The following EHBP1 variants were observed in gnomAD, a reference collection of about 807,000 sequenced individuals.
The protein encoded by EHBP1 is EH domain-binding protein 1.
A neutral mutation model predicts 144.0 loss-of-function variants in EHBP1; 55 were observed. The observed-to-expected ratio is 0.38, with a 90% CI of 0.31 to 0.48. The LOEUF is 0.48. Ranked by LOEUF, EHBP1 falls within the 20% of genes least tolerant of loss-of-function variation. The pLI, the probability that EHBP1 is intolerant of heterozygous loss-of-function variation, is 0.98. For synonymous variants in EHBP1, 469 were observed against 472.7 expected (o/e 0.99, Z 0.10); for missense variants, 1,200 against 1,364.2 (o/e 0.88, Z 1.90).
At chr2:62,887,409 C>G (rs976974992) in intron 10 of EHBP1, among the ~76,000 whole-genome samples, 1 of 151,970 alleles carries the variant, frequency 6.6e-6, no homozygotes, top group Non-Finnish European at 1.5e-5. Context: ...TATGAGAAAA[C>G]CTGATTACTT....
intron 10 of EHBP1, among the ~76,000 whole-genome samples, chr2:62,933,802 C>G (rs1252350972): frequency 6.6e-6 from 1 of 152,102 alleles, no homozygotes; most frequent in Non-Finnish European, 1.5e-5. Flanking sequence ...CCCCCCTAAA[C>G]AATATGGTTT....
intron 12 of EHBP1, among the ~76,000 whole-genome samples, chr2:62,945,927 T>C (rs1463259642): frequency 6.6e-6 from 1 of 152,192 alleles, no homozygotes; most frequent in African/African-American, 2.4e-5. Flanking sequence ...TGTTACAAAG[T>C]AAACTGTTCT....
chr2:62,939,772 G>A (rs1163018500), intron 10 of EHBP1: 1 of 160,680 alleles, frequency 6.2e-6, no homozygotes, highest in Non-Finnish European at 1.3e-5. Flanking sequence ...AGGCCCCAAG[G>A]TAGAAACATG....
chr2:62,877,469 GAAC>G (rs1213780446), intron 10 of EHBP1, among the ~76,000 whole-genome samples: 1 of 152,126 alleles, frequency 6.6e-6, no homozygotes, highest in Non-Finnish European at 1.5e-5. Flanking sequence ...AAGATATTCA[GAAC>G]CTAAACTTGT....
chr2:62,768,583 G>C (rs1221428305), intron 4 of EHBP1, among the ~76,000 whole-genome samples: 1 of 152,152 alleles, frequency 6.6e-6, no homozygotes, highest in Non-Finnish European at 1.5e-5. Context: ...AATTCTACCA[G>C]ATATACAAAG....
In EHBP1 at chr2:62,876,585, C is replaced by G. The variant is rs561948835; in HGVS notation, c.1185+2053C>G. On this transcript the variant is annotated intron_variant, in intron 10 of 22. Transcript: ENST00000431489. ...TCTCACATTGCTATAAAGAACTACT[C>G]AAGACTGGGTAATTTATTTTAAAAG... 2.0e-5 allele frequency among the ~76,000 whole-genome samples: 3 copies of G among 152,292 alleles called. No homozygotes were observed. The South Asian group carries it at 6.2e-4, about 32-fold the overall frequency.
chr2:62,800,299 C>T (rs1222329323), intron 5 of EHBP1, among the ~76,000 whole-genome samples: 6 of 152,004 alleles, frequency 3.9e-5, no homozygotes, highest in Non-Finnish European at 7.4e-5. Context: ...AGTAGATAAC[C>T]CAGCTTTTCT....
In EHBP1 at chr2:62,735,242, C is replaced by T. The variant is rs553434123; in HGVS notation, c.105-12153C>T. Among the ~76,000 whole-genome samples the T allele has an allele frequency of 1.5e-3, 227 of 151,956 alleles. 1 individual carries two copies. Among genetic ancestry groups the T allele is most frequent in the Middle Eastern group, 6.8e-3 (2 of 294 alleles). ...ATTTTATATGATTCCATTTTCTCTC[C>T]TTTCTTGGCTTATCAGTTATACTTC... is the stretch of plus-strand genomic sequence containing the variant. On this transcript the variant is annotated intron_variant, in intron 2 of 22. Coordinates refer to ENST00000431489, the MANE Select transcript of EHBP1 (RefSeq NM_001142616.3).
intron 14 of EHBP1, among the ~76,000 whole-genome samples, chr2:62,970,281 A>T (rs887400998): frequency 2.6e-5 from 4 of 152,130 alleles, no homozygotes; most frequent in African/African-American, 9.7e-5. Context: ...AAAAATTTAG[A>T]TAGGTTAAAA....
chr2:62,812,011 G>A (rs575754320), intron 5 of EHBP1, among the ~76,000 whole-genome samples: 2 of 152,112 alleles, frequency 1.3e-5, no homozygotes, highest in Non-Finnish European at 2.9e-5. Context: ...CCTCACAAAT[G>A]GATTAATATT....
chr2:62,730,833 CAG>C (rs911440652), intron 2 of EHBP1, among the ~76,000 whole-genome samples: 1 of 113,564 alleles, frequency 8.8e-6, no homozygotes, highest in East Asian at 2.5e-4. Context: ...AAGAGAGAAA[CAG>C]AGAGACGGAG....
intron 12 of EHBP1, among the ~76,000 whole-genome samples, chr2:62,945,404 A>G (rs2057002889): frequency 6.6e-6 from 1 of 152,248 alleles, no homozygotes; most frequent in South Asian, 2.1e-4. Flanking sequence ...AACATACTTT[A>G]AATTAAATAA....
chr2:62,941,862 A>T (rs2056774677), intron 10 of EHBP1, among the ~76,000 whole-genome samples: 1 of 152,128 alleles, frequency 6.6e-6, no homozygotes, highest in Admixed American at 6.5e-5. Flanking sequence ...TAGCCTCTAA[A>T]GTTACCATCA....
chr2:62,950,539 A>C (rs2057318312), intron 13 of EHBP1, among the ~76,000 whole-genome samples: 1 of 152,348 alleles, frequency 6.6e-6, no homozygotes, highest in African/African-American at 2.4e-5. Context: ...AATGAAAAAA[A>C]TATTTTAAAA....
chr2:62,923,310 G>A (rs761711544), intron 10 of EHBP1, among the ~76,000 whole-genome samples: 134 of 152,264 alleles, frequency 8.8e-4, no homozygotes, highest in Admixed American at 1.5e-3. Flanking sequence ...CTTGCCCAGG[G>A]TGAACCTACC....
intron 19 of EHBP1, among the ~76,000 whole-genome samples, chr2:63,035,907 A>G (rs932890228): frequency 6.6e-6 from 1 of 152,048 alleles, no homozygotes; most frequent in Admixed American, 6.6e-5. Flanking sequence ...AGTGAATACA[A>G]AACCAGCTAC....
chr2:63,036,731 G>T (rs1440137878), intron 19 of EHBP1, among the ~76,000 whole-genome samples: 1 of 151,812 alleles, frequency 6.6e-6, no homozygotes, highest in East Asian at 1.9e-4. Flanking sequence ...ACTTCTACAT[G>T]AACAAATGCC....
At chr2:62,826,318 C>A in intron 6 of EHBP1, 50 bp downstream of exon 6, 1 of 1,479,504 alleles carries the variant, frequency 6.8e-7, no homozygotes. Flanking sequence ...TTCAGTACAC[C>A]ATAGCTTTTG....
intron 10 of EHBP1, among the ~76,000 whole-genome samples, chr2:62,891,657 T>G (rs1009170017): frequency 5.9e-5 from 9 of 152,116 alleles, no homozygotes; most frequent in Non-Finnish European, 8.8e-5. Flanking sequence ...GATTAAAAGT[T>G]GTAATCTAAG....
Sources: allele counts gnomAD v4.1 joint callset (sites outside exome capture counted in the v4.1 genomes callset), GRCh38; gene constraint gnomAD v4.1.1; transcripts MANE v1.5; gene names NCBI Gene and HGNC (gene_info 2026-07-23, HGNC 2026-07-21).